The following KDM4C variants were observed in gnomAD, a reference collection of about 807,000 sequenced individuals.
The protein encoded by KDM4C is lysine-specific demethylase 4C.
A neutral mutation model predicts 129.3 loss-of-function variants in KDM4C; 81 were observed. That is an observed-to-expected ratio of 0.63 (90% confidence interval 0.52 to 0.75). The LOEUF (loss-of-function observed/expected upper bound fraction) is 0.75, where lower values mean the gene tolerates loss of function less well. KDM4C is among the 30% of genes least tolerant of loss of function. The pLI is 0.00. For missense variants in KDM4C, 1,457 were observed against 1,304.0 expected, an observed-to-expected ratio of 1.12 and a Z score of -1.81; for synonymous variants, 573 against 456.1, an observed-to-expected ratio of 1.26 and a Z score of -3.26.
At chr9:7,123,793 T>C (rs553129863) in intron 18 of KDM4C, among the ~76,000 whole-genome samples, 1 of 152,206 alleles carries the variant, frequency 6.6e-6, no homozygotes, top group Non-Finnish European at 1.5e-5. Context: ...GTGCCTGAAT[T>C]TGACAAGAGT....
intron 17 of KDM4C, among the ~76,000 whole-genome samples, chr9:7,060,674 G>A (rs1831523743): frequency 6.6e-6 from 1 of 151,898 alleles, no homozygotes; most frequent in Admixed American, 6.6e-5. Context: ...TAGAGACAGG[G>A]TTTCACCATG....
intron 19 of KDM4C, among the ~76,000 whole-genome samples, chr9:7,128,880 G>C (rs1044413823): frequency 6.6e-6 from 1 of 152,136 alleles, no homozygotes; most frequent in African/African-American, 2.4e-5. Context: ...TCATTCTGAG[G>C]AACTAGTGAA....
At chr9:7,115,591 T>C (rs1564137123) in intron 18 of KDM4C, among the ~76,000 whole-genome samples, 1 of 152,198 alleles carries the variant, frequency 6.6e-6, no homozygotes, top group Non-Finnish European at 1.5e-5. Flanking sequence ...ATGAAAACCT[T>C]AGATACTGAC....
chr9:7,037,297 G>A (rs185895177), intron 15 of KDM4C, among the ~76,000 whole-genome samples: 35 of 152,218 alleles, frequency 2.3e-4, no homozygotes, highest in African/African-American at 7.0e-4. Flanking sequence ...TTATGGATAT[G>A]CTACTAAAAT....
At chr9:7,063,023 C>T (rs1214731381) in intron 17 of KDM4C, among the ~76,000 whole-genome samples, 2 of 152,080 alleles carry the variant, frequency 1.3e-5, no homozygotes, top group African/African-American at 2.4e-5. Context: ...TGTATAAATA[C>T]ACTTTAATTT....
intron 5 of KDM4C, among the ~76,000 whole-genome samples, chr9:6,872,731 C>T (rs1231787364): frequency 6.6e-6 from 1 of 152,122 alleles, no homozygotes; most frequent in Non-Finnish European, 1.5e-5. Flanking sequence ...GTAAAATATT[C>T]CTCCATCCCT....
intron 15 of KDM4C, among the ~76,000 whole-genome samples, chr9:7,018,964 T>G (rs956453858): frequency 1.3e-5 from 2 of 152,244 alleles, no homozygotes; most frequent in Non-Finnish European, 2.9e-5. Flanking sequence ...ATTACAATGA[T>G]TTTTAGACCT....
At chr9:7,037,933 C>G (rs1233273067) in intron 15 of KDM4C, among the ~76,000 whole-genome samples, 1 of 151,932 alleles carries the variant, frequency 6.6e-6, no homozygotes, top group African/African-American at 2.4e-5. Flanking sequence ...TGTTATTGTT[C>G]CTGGAAAAGC....
intron 1 of KDM4C, among the ~76,000 whole-genome samples, chr9:6,770,718 T>C (rs1319781811): frequency 6.6e-6 from 1 of 151,668 alleles, no homozygotes; most frequent in Non-Finnish European, 1.5e-5. Context: ...GTCTTTTTTT[T>C]TTTTTTTCAA....
intron 8 of KDM4C, among the ~76,000 whole-genome samples, chr9:6,965,328 A>G (rs1830765962): frequency 6.6e-6 from 1 of 151,644 alleles, no homozygotes; most frequent in Admixed American, 6.6e-5. Flanking sequence ...AGGTATATTT[A>G]TGACTAAATT....
chr9:6,721,418 G>A (rs908068140), intron 1 of KDM4C, among the ~76,000 whole-genome samples: 1 of 151,318 alleles, frequency 6.6e-6, no homozygotes, highest in Non-Finnish European at 1.5e-5. Flanking sequence ...CAAGTAGCTG[G>A]GACCACAGGC....
intron 4 of KDM4C, chr9:6,819,029 C>G (rs1388969381): frequency 6.6e-6 from 1 of 152,140 alleles, no homozygotes; most frequent in Non-Finnish European, 1.5e-5. Flanking sequence ...AGATCCTGGC[C>G]TGAAAGTTGC....
intron 19 of KDM4C, among the ~76,000 whole-genome samples, chr9:7,145,276 G>A (rs1018926804): frequency 6.6e-6 from 1 of 152,188 alleles, no homozygotes; most frequent in African/African-American, 2.4e-5. Flanking sequence ...CTTTGGTGAA[G>A]GAGGAGGATC....
At chr9:6,938,221 T>C (rs1825178440) in intron 8 of KDM4C, among the ~76,000 whole-genome samples, 1 of 152,004 alleles carries the variant, frequency 6.6e-6, no homozygotes, top group Non-Finnish European at 1.5e-5. Context: ...AGATATATAT[T>C]ATAGGATGAA....
intron 15 of KDM4C, among the ~76,000 whole-genome samples, chr9:7,044,168 C>G (rs904580916): frequency 2.0e-5 from 3 of 151,912 alleles, no homozygotes; most frequent in African/African-American, 7.2e-5. Context: ...GATAGAAGTA[C>G]CTGAGCCAGG....
At chr9:6,951,785 A>G (rs1443286055) in intron 8 of KDM4C, among the ~76,000 whole-genome samples, 2 of 152,226 alleles carry the variant, frequency 1.3e-5, no homozygotes, top group Non-Finnish European at 1.5e-5. Context: ...ATTAAAAGAG[A>G]AAAATTTGTA....
chr9:6,832,682 C>T (rs1300109445), intron 4 of KDM4C, among the ~76,000 whole-genome samples: 1 of 150,766 alleles, frequency 6.6e-6, no homozygotes, highest in Non-Finnish European at 1.5e-5. Flanking sequence ...GCCTCGGCCT[C>T]CCAAAGTGCT....
chr9:7,093,301 G>C (rs1030089755), intron 17 of KDM4C, among the ~76,000 whole-genome samples: 2 of 152,086 alleles, frequency 1.3e-5, no homozygotes, highest in Non-Finnish European at 2.9e-5. Context: ...TTCTGAGTCT[G>C]AAACAATACG....
At chr9:7,066,940 G>T (rs1391305927) in intron 17 of KDM4C, among the ~76,000 whole-genome samples, 2 of 152,130 alleles carry the variant, frequency 1.3e-5, no homozygotes, top group African/African-American at 4.8e-5. Flanking sequence ...GAACATTACA[G>T]AGCTGTTTAT....
Sources: gnomAD v4.1 joint callset for allele counts (sites outside exome capture counted in the v4.1 genomes callset) on GRCh38, gnomAD v4.1.1 for gene constraint, MANE v1.5 for transcripts, NCBI Gene and HGNC (gene_info 2026-07-23, HGNC 2026-07-21) for gene names.